The following FYN variants were observed in gnomAD, a reference collection of about 807,000 sequenced individuals.
FYN encodes FYN proto-oncogene, Src family tyrosine kinase, also known as tyrosine-protein kinase Fyn.
FYN carries 10 observed loss-of-function variants against 70.2 expected under a neutral mutation model. That is an observed-to-expected ratio of 0.14 (90% confidence interval 0.09 to 0.24). The LOEUF (loss-of-function observed/expected upper bound fraction) is 0.24. FYN is among the 10% of genes least tolerant of loss of function. The probability of loss-of-function intolerance (pLI) is 1.00; values close to 1 mark genes in which losing one functional copy is unlikely to be tolerated. For synonymous variants in FYN, 236 were observed against 248.6 expected, an observed-to-expected ratio of 0.95 and a Z score of 0.48; for missense variants, 319 against 673.1, an observed-to-expected ratio of 0.47 and a Z score of 5.82.
At chr6:111,773,518 TGAGA>T (rs1159725881) in intron 3 of FYN, among the ~76,000 whole-genome samples, 1 of 16,338 alleles carries the variant, frequency 6.1e-5, no homozygotes, top group African/African-American at 2.8e-4. Context: ...GGAGAGCGGG[TGAGA>T]GAGAGGGGGA....
chr6:111,777,186 A>G (rs1189560565), intron 3 of FYN, among the ~76,000 whole-genome samples: 2 of 152,192 alleles, frequency 1.3e-5, no homozygotes, highest in Non-Finnish European at 2.9e-5. Context: ...CATTCTGTAT[A>G]AGCCGTCAGA....
chr6:111,730,555 T>G (rs1274523635), intron 3 of FYN, among the ~76,000 whole-genome samples: 1 of 152,174 alleles, frequency 6.6e-6, no homozygotes, highest in Non-Finnish European at 1.5e-5. Flanking sequence ...TTTTGTTCTT[T>G]GGATGCCAAT....
intron 1 of FYN, among the ~76,000 whole-genome samples, chr6:111,847,663 CCACACA>C (rs369953867): frequency 6.6e-6 from 1 of 151,570 alleles, no homozygotes; most frequent in Non-Finnish European, 1.5e-5. Flanking sequence ...CCATCCCCCA[CCACACA>C]CACACACAAG....
At chr6:111,717,196 C>A (rs749461571) in intron 4 of FYN, among the ~76,000 whole-genome samples, 1 of 151,910 alleles carries the variant, frequency 6.6e-6, no homozygotes, top group East Asian at 1.9e-4. Context: ...TGTTGTTAAA[C>A]GTCAAAAGAC....
At chr6:111,711,146 C>T (rs77953430) in intron 5 of FYN, among the ~76,000 whole-genome samples, 1 of 152,066 alleles carries the variant, frequency 6.6e-6, no homozygotes, top group Non-Finnish European at 1.5e-5. Context: ...GCCTTGGAGC[C>T]AGGGAGTAGT....
chr6:111,872,782 C>A (rs1774322466), intron 1 of FYN, among the ~76,000 whole-genome samples, 186 bp downstream of exon 1: 1 of 151,742 alleles, frequency 6.6e-6, no homozygotes, highest in Non-Finnish European at 1.5e-5. Context: ...GCAGGGGTGT[C>A]CTCCGGTGCA....
chr6:111,775,520 T>C (rs948649428), intron 3 of FYN, among the ~76,000 whole-genome samples: 13 of 152,232 alleles, frequency 8.5e-5, no homozygotes, highest in African/African-American at 2.9e-4. Context: ...TTCAAAATGA[T>C]GTGCTTTAGG....
chr6:111,815,039 G>A (rs1036194041), intron 2 of FYN, among the ~76,000 whole-genome samples: 6 of 152,256 alleles, frequency 3.9e-5, no homozygotes, highest in African/African-American at 1.4e-4. Context: ...TTGAAGAGCT[G>A]GCTTCCCTCA....
chr6:111,712,987 GC>G (rs1800457095), intron 5 of FYN, among the ~76,000 whole-genome samples: 1 of 152,076 alleles, frequency 6.6e-6, no homozygotes. Flanking sequence ...TTTGATACGT[GC>G]ACTTTTCTGC....
At chr6:111,818,795 A>G (rs1165375392) in intron 2 of FYN, 1 of 152,210 alleles carries the variant, frequency 6.6e-6, no homozygotes, top group Non-Finnish European at 1.5e-5. Flanking sequence ...CTGCTTCTCT[A>G]AATTGTAACA....
chr6:111,743,584 A>G (rs1358766587), intron 3 of FYN, among the ~76,000 whole-genome samples: 1 of 152,178 alleles, frequency 6.6e-6, no homozygotes, highest in East Asian at 1.9e-4. Context: ...AATTGTGACC[A>G]AGGAAACTCC....
At position 111,663,914 on chromosome 6, in the gene FYN, C is replaced by T. The variant is rs140419723; in HGVS notation, c.1406-1967G>A. On this transcript the variant is annotated intron_variant, in intron 13 of 13. Transcript: ENST00000354650. ...GCAGCCTCCTCCGGCTCTAGATAAA[C>T]GCGGACAGAGGCCAGCATTTCCTTC... Among the ~76,000 whole-genome samples, 9 of 152,290 alleles carry T rather than the reference C, an allele frequency of 5.9e-5. No homozygotes were observed. The East Asian group carries it at 7.7e-4, about 13-fold the overall frequency.
At chr6:111,668,362 A>G (rs549936372) in intron 13 of FYN, among the ~76,000 whole-genome samples, 1 of 152,232 alleles carries the variant, frequency 6.6e-6, no homozygotes. Flanking sequence ...TCATCTTGCC[A>G]GATAACCTCA....
At chr6:111,702,838 T>C (rs1799901914) in intron 8 of FYN, 47 bp downstream of exon 8, 1 of 1,592,580 alleles carries the variant, frequency 6.3e-7, no homozygotes, top group Non-Finnish European at 8.6e-7. Context: ...GCCTATCCAC[T>C]CCCTCCAGCA....
chr6:111,725,430 T>C (rs1299596273), intron 3 of FYN, among the ~76,000 whole-genome samples: 1 of 152,142 alleles, frequency 6.6e-6, no homozygotes, highest in African/African-American at 2.4e-5. Flanking sequence ...TGACACCCCA[T>C]GAGAGAGTGC....
intron 3 of FYN, among the ~76,000 whole-genome samples, chr6:111,739,314 C>T (rs1023256891): frequency 6.6e-6 from 1 of 152,308 alleles, no homozygotes; most frequent in Non-Finnish European, 1.5e-5. Context: ...GATGTGGAGG[C>T]TCTGTTGAGA....
At chr6:111,670,241 C>A (rs1291036086) in intron 13 of FYN, among the ~76,000 whole-genome samples, 2 of 152,188 alleles carry the variant, frequency 1.3e-5, no homozygotes, top group African/African-American at 4.8e-5. Flanking sequence ...TCTGCTCCAG[C>A]CATGCTGGCC....
chr6:111,733,031 C>T (rs1440689027), intron 3 of FYN, among the ~76,000 whole-genome samples: 8 of 152,084 alleles, frequency 5.3e-5, no homozygotes, highest in Admixed American at 2.0e-4. Flanking sequence ...CAGCAACACA[C>T]GGAGGAAGTG....
chr6:111,790,632 G>T (rs985902270), intron 2 of FYN, among the ~76,000 whole-genome samples: 9 of 152,176 alleles, frequency 5.9e-5, no homozygotes, highest in Middle Eastern at 3.4e-3. Flanking sequence ...CACTAACATT[G>T]CATTTTAAAG....
Sources: allele counts gnomAD v4.1 joint callset (sites outside exome capture counted in the v4.1 genomes callset), GRCh38; gene constraint gnomAD v4.1.1; transcripts MANE v1.5; gene names NCBI Gene and HGNC (gene_info 2026-07-23, HGNC 2026-07-21).